The following XXYLT1 variants were observed in gnomAD, a reference collection of about 807,000 sequenced individuals.
XXYLT1 encodes UDP-xylose:alpha-xyloside alpha-1,3-xylosyltransferase.
XXYLT1 carries 20 observed loss-of-function variants against 28.9 expected under a neutral mutation model. The observed-to-expected ratio is 0.69, with a 90% CI of 0.49 to 1.00. The LOEUF (loss-of-function observed/expected upper bound fraction) is 1.00, where lower values mean the gene tolerates loss of function less well. XXYLT1 is among the 50% of genes least tolerant of loss of function. The probability of loss-of-function intolerance (pLI) is 0.00; values close to 1 mark genes in which losing one functional copy is unlikely to be tolerated. For missense variants in XXYLT1, 542 were observed against 560.1 expected (o/e 0.97, Z 0.33); for synonymous variants, 257 against 253.8 (o/e 1.01, Z -0.12).
intron 2 of XXYLT1, among the ~76,000 whole-genome samples, chr3:195,213,196 G>A (rs1035748213): frequency 2.6e-5 from 4 of 151,734 alleles, no homozygotes; most frequent in Non-Finnish European, 4.4e-5. Context: ...GCCCACATCC[G>A]CATCCCAACA....
At chr3:195,113,810 G>T (rs1421433914) in intron 3 of XXYLT1, among the ~76,000 whole-genome samples, 1 of 152,150 alleles carries the variant, frequency 6.6e-6, no homozygotes, top group South Asian at 2.1e-4. Flanking sequence ...GGGTGGAAAG[G>T]AGCCCTGGGC....
In XXYLT1 at chr3:195,255,041, C is replaced by T. The variant is rs1725426120; in HGVS notation, c.504+15514G>A. Among the ~76,000 whole-genome samples the T allele has an allele frequency of 6.6e-6, 1 of 152,090 alleles. No individual in the cohort carries two copies. The highest frequency in any genetic ancestry group is 2.4e-5 in the African/African-American group (1 of 41,408). On this transcript the variant is annotated intron_variant, in intron 1 of 3. Transcript: ENST00000310380. This position sits in a 1 kb window ranked among gnomAD's most constrained non-coding sequence, Gnocchi z 4.5. ...GAAAGAGAAAGAAGTCAGACTCGGA[C>T]CCTGTCCCCAACTGCCCCAGGCTGG...
chr3:195,161,193 C>G (rs1720853311), intron 2 of XXYLT1, among the ~76,000 whole-genome samples: 1 of 152,178 alleles, frequency 6.6e-6, no homozygotes. Flanking sequence ...TTAGTATCTT[C>G]CAGTTTCAGA....
At chr3:195,072,438 G>A (rs1220572701) in intron 3 of XXYLT1, among the ~76,000 whole-genome samples, 1 of 152,128 alleles carries the variant, frequency 6.6e-6, no homozygotes, top group Admixed American at 6.5e-5. Context: ...CAGCAAGGAG[G>A]AGCAAACAGT....
chr3:195,088,252 A>G (rs1454724075), intron 3 of XXYLT1, among the ~76,000 whole-genome samples: 1 of 151,172 alleles, frequency 6.6e-6, no homozygotes, highest in Non-Finnish European at 1.5e-5. Flanking sequence ...AAACAAAAAG[A>G]CAGCAGTAAC....
chr3:195,094,226 C>G (rs1716287634), intron 3 of XXYLT1: 1 of 152,938 alleles, frequency 6.5e-6, no homozygotes, highest in South Asian at 2.1e-4. Context: ...GCACCCGACA[C>G]AGCCCAGCGA....
chr3:195,086,441 A>G (rs2108654199), intron 3 of XXYLT1, among the ~76,000 whole-genome samples: 1 of 152,248 alleles, frequency 6.6e-6, no homozygotes, highest in South Asian at 2.1e-4. Flanking sequence ...CATGCATGTG[A>G]ATGCATTTCA....
chr3:195,107,797 C>T (rs1172364872), intron 3 of XXYLT1, among the ~76,000 whole-genome samples: 1 of 151,880 alleles, frequency 6.6e-6, no homozygotes, highest in Admixed American at 6.6e-5. Flanking sequence ...ATCCTCATGG[C>T]CTCATGAGGC....
rs75003811 is a variant in XXYLT1 at position 195,113,756 on chromosome 3, G to A, written c.785+42693C>T. Among the ~76,000 whole-genome samples the A allele has an allele frequency of 2.2e-3, 337 of 152,254 alleles. 9 individuals are homozygous for A. The East Asian group carries it at 0.05, about 23-fold the overall frequency. ...CACCCACAGGACCAGGCAAAGAGGCGGAAAGGGGTGTGGCCAGGAGAAAGG... is the reference window on the plus strand; with the variant it reads ...CACCCACAGGACCAGGCAAAGAGGCAGAAAGGGGTGTGGCCAGGAGAAAGG... On this transcript the variant is annotated intron_variant, in intron 3 of 3. Transcript: ENST00000310380.
At chr3:195,086,384 G>A (rs545899522) in intron 3 of XXYLT1, among the ~76,000 whole-genome samples, 270 of 152,270 alleles carry the variant, frequency 1.8e-3, no homozygotes, top group Non-Finnish European at 2.7e-3. Flanking sequence ...CGTCTCGGCC[G>A]CTCCCCTACC....
intron 3 of XXYLT1, among the ~76,000 whole-genome samples, chr3:195,094,996 G>A (rs1716345114): frequency 6.6e-6 from 1 of 152,226 alleles, no homozygotes; most frequent in African/African-American, 2.4e-5. Flanking sequence ...CGGGGGAAAT[G>A]TGTGTCCGGG....
chr3:195,087,876 C>T (rs1310737989), intron 3 of XXYLT1, among the ~76,000 whole-genome samples: 1 of 151,874 alleles, frequency 6.6e-6, no homozygotes, highest in Admixed American at 6.5e-5. Flanking sequence ...TTGGGAAGCG[C>T]AAGGGGTCAG....
intron 3 of XXYLT1, among the ~76,000 whole-genome samples, chr3:195,090,315 A>G (rs1036435999): frequency 6.6e-6 from 1 of 151,670 alleles, no homozygotes; most frequent in African/African-American, 2.4e-5. Flanking sequence ...AACAGAAATT[A>G]TAACAAACTA....
intron 1 of XXYLT1, among the ~76,000 whole-genome samples, chr3:195,244,654 C>T (rs545760600): frequency 1.4e-5 from 2 of 145,774 alleles, no homozygotes; most frequent in African/African-American, 5.1e-5. Context: ...CCCAGCTACT[C>T]GGGAGGCTGA....
rs75043038 is a variant in XXYLT1, at chr3:195,070,139, C to T, written c.786-28G>A. The T allele has an allele frequency of 4.3e-3, 6,572 of 1,516,786 alleles. 226 individuals carry two copies. The African/African-American group carries it at 0.078, about 18-fold the overall frequency. The allele number at this position is 1,516,786 out of a possible 1,614,324, so 94.0% of individuals were successfully genotyped here. The stretch of plus-strand genomic sequence containing the variant: ...GTGGAGAGAGAGGACAGAGTTAGTC[C>T]GGTGTGCAGGGGAACCAGCCTGCCG... On this transcript the variant is annotated intron_variant, in intron 3 of 3. Coordinates refer to ENST00000310380, the MANE Select transcript of XXYLT1 (RefSeq NM_152531.5).
chr3:195,225,688 C>G (rs1226589969), intron 2 of XXYLT1, among the ~76,000 whole-genome samples: 2 of 152,116 alleles, frequency 1.3e-5, no homozygotes, highest in Non-Finnish European at 2.9e-5. Context: ...CCACCCAAAT[C>G]TCATCTTGAA....
At chr3:195,212,272 T>C (rs948527230) in intron 2 of XXYLT1, among the ~76,000 whole-genome samples, 4 of 152,186 alleles carry the variant, frequency 2.6e-5, no homozygotes, top group Non-Finnish European at 5.9e-5. Context: ...CCAGGGCTGC[T>C]GGATCCGATG....
chr3:195,110,611 A>AT (rs1226897991), intron 3 of XXYLT1, among the ~76,000 whole-genome samples: 57 of 44,462 alleles, frequency 1.3e-3, no homozygotes, highest in Admixed American at 3.4e-3. Context: ...GTATGTGTGC[A>AT]TGTGTGTGGT....
intron 3 of XXYLT1, among the ~76,000 whole-genome samples, chr3:195,137,659 C>T (rs1355260327): frequency 6.6e-6 from 1 of 152,216 alleles, no homozygotes; most frequent in Non-Finnish European, 1.5e-5. Context: ...TCTGTAAATA[C>T]TGCCTGCTTT....
Sources: allele counts gnomAD v4.1 joint callset (sites outside exome capture counted in the v4.1 genomes callset), GRCh38; gene constraint gnomAD v4.1.1; non-coding constraint Gnocchi (gnomAD v3.1); transcripts MANE v1.5; gene names NCBI Gene and HGNC (gene_info 2026-07-23, HGNC 2026-07-21).